SGCZ: variants seen among roughly 807,000 people sequenced by gnomAD.
SGCZ encodes the protein zeta-sarcoglycan.
Under a neutral mutation model 41.3 loss-of-function variants are expected in SGCZ, and 40 were observed. That is an observed-to-expected ratio of 0.97 (90% CI 0.75 to 1.26). The LOEUF (loss-of-function observed/expected upper bound fraction) is 1.26. Ranked by LOEUF, SGCZ falls within the 50% of genes most tolerant of loss-of-function variation. SGCZ has a pLI of 0.00. For synonymous variants in SGCZ, 206 were observed against 137.5 expected, an observed-to-expected ratio of 1.50 and a Z score of -3.49; for missense variants, 552 against 369.8, an observed-to-expected ratio of 1.49 and a Z score of -4.04.
At chr8:15,171,136 G>A (rs1399952094) in intron 1 of SGCZ, among the ~76,000 whole-genome samples, 1 of 152,174 alleles carries the variant, frequency 6.6e-6, no homozygotes, top group African/African-American at 2.4e-5. Context: ...TGTTGGAGCT[G>A]ACTTTCTAGA....
chr8:14,454,919 C>A (rs2116935398), intron 2 of SGCZ, among the ~76,000 whole-genome samples: 1 of 152,224 alleles, frequency 6.6e-6, no homozygotes, highest in East Asian at 1.9e-4. Flanking sequence ...TGAAATCATA[C>A]AAGTGCTAGG....
At chr8:14,719,451 C>T (rs1318264276) in intron 1 of SGCZ, among the ~76,000 whole-genome samples, 1 of 151,204 alleles carries the variant, frequency 6.6e-6, no homozygotes, top group African/African-American at 2.4e-5. Context: ...AATGGTTGAA[C>T]TAGTTTACAG....
At chr8:14,106,360 C>T (rs1802203013) in intron 6 of SGCZ, among the ~76,000 whole-genome samples, 1 of 152,184 alleles carries the variant, frequency 6.6e-6, no homozygotes, top group Non-Finnish European at 1.5e-5. Context: ...TGTTTACACA[C>T]ACTCCTCAGC....
chr8:14,230,060 C>A (rs551266298), intron 4 of SGCZ, among the ~76,000 whole-genome samples: 137 of 152,050 alleles, frequency 9.0e-4, no homozygotes, highest in Non-Finnish European at 1.5e-3. Context: ...GCACAAAATA[C>A]GTGCCTATGC....
At chr8:15,168,772 G>C (rs1382454229) in intron 1 of SGCZ, among the ~76,000 whole-genome samples, 2 of 152,266 alleles carry the variant, frequency 1.3e-5, no homozygotes, top group South Asian at 2.1e-4. Flanking sequence ...TCTTCAGTTA[G>C]GCAATTGTGT....
intron 4 of SGCZ, among the ~76,000 whole-genome samples, chr8:14,211,332 G>T (rs978689916): frequency 6.6e-6 from 1 of 152,096 alleles, no homozygotes; most frequent in African/African-American, 2.4e-5. Context: ...AAGCTTCTCT[G>T]CCTTCAGGTT....
chr8:14,693,582 C>CT (rs67757752), intron 1 of SGCZ, among the ~76,000 whole-genome samples: 21,918 of 61,536 alleles, frequency 0.36, 7,815 homozygotes, highest in Non-Finnish European at 0.48. Context: ...CCACGACTGG[C>CT]TTTTTTTTTT....
chr8:14,203,593 C>A (rs574494997), intron 4 of SGCZ, among the ~76,000 whole-genome samples: 13 of 152,174 alleles, frequency 8.5e-5, no homozygotes, highest in Admixed American at 6.5e-4. Flanking sequence ...TCTGTCATCA[C>A]AAGGCTGAGT....
At chr8:14,349,501 A>C (rs147112414) in intron 2 of SGCZ, among the ~76,000 whole-genome samples, 1 of 152,276 alleles carries the variant, frequency 6.6e-6, no homozygotes, top group African/African-American at 2.4e-5. Context: ...GTAAGCAATA[A>C]GGCATGTGTC....
At chr8:14,806,251 A>G (rs977617923) in intron 1 of SGCZ, among the ~76,000 whole-genome samples, 1 of 151,338 alleles carries the variant, frequency 6.6e-6, no homozygotes, top group Non-Finnish European at 1.5e-5. Context: ...TGAAGGAAAT[A>G]GAGACATAAA....
intron 1 of SGCZ, among the ~76,000 whole-genome samples, chr8:14,637,266 T>C (rs937498149): frequency 1.3e-5 from 2 of 151,786 alleles, no homozygotes; most frequent in South Asian, 4.1e-4. Flanking sequence ...TTCAATTCAT[T>C]ATGTTCTCTA....
At chr8:14,149,664 A>AT (rs1283109138) in intron 5 of SGCZ, among the ~76,000 whole-genome samples, 4 of 151,556 alleles carry the variant, frequency 2.6e-5, no homozygotes, top group Non-Finnish European at 4.4e-5. Flanking sequence ...AGGAAAAAAA[A>AT]AAAAAACACA....
chr8:14,460,791 T>C (rs907523541), intron 2 of SGCZ, among the ~76,000 whole-genome samples: 2 of 152,144 alleles, frequency 1.3e-5, no homozygotes, highest in African/African-American at 4.8e-5. Flanking sequence ...GATGCTAAAG[T>C]TGGGAGTCTA....
chr8:14,783,450 G>T (rs577137181), intron 1 of SGCZ, among the ~76,000 whole-genome samples: 1 of 150,034 alleles, frequency 6.7e-6, no homozygotes, highest in Non-Finnish European at 1.5e-5. Context: ...AAAAAAGAAG[G>T]AAAGAAAAGG....
intron 1 of SGCZ, among the ~76,000 whole-genome samples, chr8:14,607,929 T>C (rs1465631447): frequency 3.3e-5 from 5 of 152,214 alleles, no homozygotes; most frequent in African/African-American, 1.2e-4. Flanking sequence ...TTCAGGCCAC[T>C]TGGAGTAATT....
chr8:14,271,220 T>C (rs1218333907), intron 3 of SGCZ, among the ~76,000 whole-genome samples: 1 of 152,092 alleles, frequency 6.6e-6, no homozygotes, highest in Non-Finnish European at 1.5e-5. Context: ...GGAAATGATG[T>C]ATAGGAGTTG....
intron 2 of SGCZ, among the ~76,000 whole-genome samples, chr8:14,367,681 C>A (rs1042898454): frequency 6.6e-6 from 1 of 151,998 alleles, no homozygotes; most frequent in Non-Finnish European, 1.5e-5. Flanking sequence ...ATAAAGCCAT[C>A]AGTTCTCATG....
At chr8:14,878,095 CTTT>C (rs1804433459) in intron 1 of SGCZ, among the ~76,000 whole-genome samples, 1 of 151,912 alleles carries the variant, frequency 6.6e-6, no homozygotes, top group African/African-American at 2.4e-5. Flanking sequence ...GCAGTTCCCT[CTTT>C]ATTTGAGGGT....
At chr8:14,350,145 TA>T (rs1803036070) in intron 2 of SGCZ, among the ~76,000 whole-genome samples, 1 of 150,806 alleles carries the variant, frequency 6.6e-6, no homozygotes, top group African/African-American at 2.5e-5. Flanking sequence ...GCTTAGAGCT[TA>T]AAAAACAAAT....
Sources: allele counts gnomAD v4.1 joint callset (sites outside exome capture counted in the v4.1 genomes callset), GRCh38; gene constraint gnomAD v4.1.1; transcripts MANE v1.5; gene names NCBI Gene and HGNC (gene_info 2026-07-23, HGNC 2026-07-21).